The following CNTN6 variants were observed in gnomAD, a reference collection of about 807,000 sequenced individuals.
CNTN6 encodes the protein contactin 6, also known as contactin-6.
CNTN6 carries 137 observed loss-of-function variants against 122.8 expected under a neutral mutation model. That is an observed-to-expected ratio of 1.12 (90% CI 0.97 to 1.29). The LOEUF (loss-of-function observed/expected upper bound fraction) is 1.29. Ranked by LOEUF, CNTN6 falls within the 50% of genes most tolerant of loss-of-function variation. The pLI is 0.00. For synonymous variants in CNTN6, 570 were observed against 426.0 expected (o/e 1.34, Z -4.16); for missense variants, 1,634 against 1,223.4 (o/e 1.34, Z -5.01).
chr3:1,324,247 T>C (rs1210835377), intron 8 of CNTN6, among the ~76,000 whole-genome samples: 5 of 149,188 alleles, frequency 3.4e-5, no homozygotes, highest in African/African-American at 5.1e-5. Flanking sequence ...TCGTTTGTAG[T>C]CTCATTGAAG....
intron 4 of CNTN6, among the ~76,000 whole-genome samples, chr3:1,267,096 C>G (rs184678915): frequency 1.4e-4 from 22 of 151,750 alleles, no homozygotes; most frequent in South Asian, 6.3e-4. Flanking sequence ...TTTGGATAGC[C>G]TGAACTTTCT....
chr3:1,186,126 G>A (rs1410646967), intron 2 of CNTN6, among the ~76,000 whole-genome samples: 2 of 152,016 alleles, frequency 1.3e-5, no homozygotes, highest in African/African-American at 4.8e-5. Context: ...ACGAAAGACA[G>A]CACAAGAAAT....
chr3:1,268,571 C>G (rs937300478), intron 4 of CNTN6, among the ~76,000 whole-genome samples: 1 of 133,152 alleles, frequency 7.5e-6, no homozygotes, highest in African/African-American at 3.0e-5. Flanking sequence ...TGAGCCACTG[C>G]ACTCCAGCCT....
intron 11 of CNTN6, among the ~76,000 whole-genome samples, chr3:1,334,796 A>G (rs1331154384): frequency 1.3e-5 from 2 of 152,134 alleles, no homozygotes; most frequent in Non-Finnish European, 2.9e-5. Context: ...CATTCAGTAA[A>G]TATTTTCTGT....
At chr3:1,100,841 A>C (rs566424530) in intron 1 of CNTN6, among the ~76,000 whole-genome samples, 2 of 152,078 alleles carry the variant, frequency 1.3e-5, no homozygotes, top group African/African-American at 2.4e-5. Flanking sequence ...AAAAAATTTC[A>C]GTAAGTTTAT....
chr3:1,287,924 A>C (rs1406990520), intron 5 of CNTN6, among the ~76,000 whole-genome samples: 1 of 152,186 alleles, frequency 6.6e-6, no homozygotes, highest in East Asian at 1.9e-4. Flanking sequence ...ATAACCACGA[A>C]AATAGCCAGC....
chr3:1,216,697 A>C (rs1299752913), intron 2 of CNTN6, among the ~76,000 whole-genome samples: 2 of 151,814 alleles, frequency 1.3e-5, no homozygotes, highest in East Asian at 3.9e-4. Flanking sequence ...TAGAATTAAA[A>C]CCTCTATCTA....
intron 12 of CNTN6, among the ~76,000 whole-genome samples, chr3:1,359,802 G>A (rs976958212): frequency 1.3e-5 from 2 of 152,000 alleles, no homozygotes; most frequent in Admixed American, 6.6e-5. Flanking sequence ...CCATCACACC[G>A]ATTTCCTTGT....
At chr3:1,331,735 G>A (rs1054479382) in intron 11 of CNTN6, among the ~76,000 whole-genome samples, 2 of 151,732 alleles carry the variant, frequency 1.3e-5, no homozygotes, top group East Asian at 1.9e-4. Flanking sequence ...CAGAATGATG[G>A]CATTTACCTT....
intron 11 of CNTN6, among the ~76,000 whole-genome samples, chr3:1,343,690 C>T (rs1335519482): frequency 6.6e-6 from 1 of 151,984 alleles, no homozygotes; most frequent in African/African-American, 2.4e-5. Flanking sequence ...CCTTGGGACA[C>T]CCATTATGCT....
At chr3:1,299,940 T>C (rs1054072468) in intron 7 of CNTN6, among the ~76,000 whole-genome samples, 2 of 152,192 alleles carry the variant, frequency 1.3e-5, no homozygotes, top group African/African-American at 4.8e-5. Flanking sequence ...ATGTAATAAA[T>C]GCTCACTGAA....
rs193188169 is a variant in CNTN6 at position 1,318,262 on chromosome 3, T to A, written c.762-3388T>A. ...GTGTGATTGTAGCTCTGCAGAGCAA[T>A]AAGTTCTCAACATATGTTCACAATT... On this transcript the variant is annotated intron_variant, in intron 7 of 22. Transcript: ENST00000446702. 4.8e-3 allele frequency among the ~76,000 whole-genome samples: 732 copies of A among 151,860 alleles called. 3 individuals are homozygous for A. Among genetic ancestry groups the A allele is most frequent in the Middle Eastern group, 0.017 (5 of 294 alleles).
chr3:1,349,662 T>C (rs1705320766), intron 11 of CNTN6, among the ~76,000 whole-genome samples: 1 of 151,882 alleles, frequency 6.6e-6, no homozygotes, highest in African/African-American at 2.4e-5. Context: ...GTGTTCCTTC[T>C]TTTGGCTTTT....
intron 4 of CNTN6, among the ~76,000 whole-genome samples, chr3:1,238,508 C>T (rs915006565): frequency 2.6e-5 from 4 of 152,078 alleles, no homozygotes; most frequent in African/African-American, 9.7e-5. Flanking sequence ...CTTTAACACT[C>T]CACTGACAGC....
chr3:1,335,102 A>G (rs1328970940), intron 11 of CNTN6, among the ~76,000 whole-genome samples: 2 of 152,088 alleles, frequency 1.3e-5, no homozygotes, highest in Non-Finnish European at 2.9e-5. Flanking sequence ...TCCCAACTCT[A>G]TTTCTTAGCT....
chr3:1,202,440 T>C lies in CNTN6; in HGVS notation c.56-18247T>C, dbSNP rs1575216977. ...CTGTAGTCCCAGCTACTCGGGAGGC[T>C]GAGGCGGGAGAATGGCGGGAACCCC... On this transcript the variant is annotated intron_variant, in intron 2 of 22. Coordinates refer to ENST00000446702, the MANE Select transcript of CNTN6 (RefSeq NM_001289080.2). Among the ~76,000 whole-genome samples, 3 of 150,850 alleles carry C rather than the reference T, an allele frequency of 2.0e-5. No homozygotes were observed. The South Asian group carries it at 6.2e-4, about 31-fold the overall frequency.
intron 1 of CNTN6, among the ~76,000 whole-genome samples, chr3:1,108,465 G>A (rs980222848): frequency 6.6e-6 from 1 of 151,958 alleles, no homozygotes; most frequent in Admixed American, 6.6e-5. Flanking sequence ...GTCACATGAG[G>A]TCAGGTGTGG....
At chr3:1,131,261 TGAC>T (rs1462115262) in intron 1 of CNTN6, among the ~76,000 whole-genome samples, 1 of 152,102 alleles carries the variant, frequency 6.6e-6, no homozygotes, top group Non-Finnish European at 1.5e-5. Flanking sequence ...TAATTATCCA[TGAC>T]TAGTCACATA....
intron 4 of CNTN6, among the ~76,000 whole-genome samples, chr3:1,270,582 G>A (rs1368081826): frequency 6.6e-6 from 1 of 152,192 alleles, no homozygotes; most frequent in Non-Finnish European, 1.5e-5. Flanking sequence ...GAACCGCATC[G>A]TGAAGGTGAA....
Sources: gnomAD v4.1 joint callset for allele counts (sites outside exome capture counted in the v4.1 genomes callset) on GRCh38, gnomAD v4.1.1 for gene constraint, MANE v1.5 for transcripts, NCBI Gene and HGNC (gene_info 2026-07-23, HGNC 2026-07-21) for gene names.